Variants in GRM5 observed in about 807,000 individuals in gnomAD.
The protein encoded by GRM5 is metabotropic glutamate receptor 5.
Under a neutral mutation model 83.1 loss-of-function variants are expected in GRM5, and 19 were observed. The ratio of observed to expected loss-of-function variants is 0.23; its 90% CI spans 0.16 to 0.34. The LOEUF (loss-of-function observed/expected upper bound fraction) is 0.34, where lower values mean the gene tolerates loss of function less well. Among genes scored for constraint, GRM5 ranks in the 10% least tolerant of loss-of-function variants. The pLI, the probability that GRM5 is intolerant of heterozygous loss-of-function variation, is 1.00. For missense variants in GRM5, 1,160 were observed against 1,588.3 expected (o/e 0.73, Z 4.58); for synonymous variants, 675 against 633.6 (o/e 1.07, Z -0.98).
chr11:88,775,334 CCTTTA>C (rs1942824489), intron 3 of GRM5, among the ~76,000 whole-genome samples: 1 of 151,718 alleles, frequency 6.6e-6, no homozygotes. Context: ...TCTCTTTTCT[CCTTTA>C]CTTGTCTTCC....
chr11:88,681,670 A>G (rs1591436935), intron 3 of GRM5, among the ~76,000 whole-genome samples: 1 of 142,708 alleles, frequency 7.0e-6, no homozygotes, highest in East Asian at 2.1e-4. Flanking sequence ...TCCTGGGTTC[A>G]AACGATTCTC....
intron 2 of GRM5, among the ~76,000 whole-genome samples, chr11:88,927,410 T>A (rs974816547): frequency 5.3e-5 from 8 of 152,148 alleles, no homozygotes; most frequent in Admixed American, 3.9e-4. Flanking sequence ...ATGAAAAAGA[T>A]AAAGTAAAAG....
At chr11:88,679,169 A>T (rs1263917655) in intron 3 of GRM5, among the ~76,000 whole-genome samples, 2 of 152,192 alleles carry the variant, frequency 1.3e-5, no homozygotes, top group African/African-American at 4.8e-5. Context: ...ATTAAGTTTC[A>T]GTTGCACTGA....
intron 2 of GRM5, among the ~76,000 whole-genome samples, chr11:89,001,079 CATT>C (rs1218099190): frequency 6.6e-6 from 1 of 151,542 alleles, no homozygotes; most frequent in African/African-American, 2.4e-5. Context: ...GTCATTTATA[CATT>C]ATTCATGAAA....
intron 7 of GRM5, among the ~76,000 whole-genome samples, chr11:88,589,606 G>T (rs1309510942): frequency 6.6e-6 from 1 of 152,106 alleles, no homozygotes; most frequent in African/African-American, 2.4e-5. Flanking sequence ...TGATCTTCTA[G>T]CCTCTAGAAG....
intron 3 of GRM5, among the ~76,000 whole-genome samples, chr11:88,809,193 A>T (rs1943547751): frequency 6.6e-6 from 1 of 152,072 alleles, no homozygotes; most frequent in Non-Finnish European, 1.5e-5. Context: ...ATTGAAAAAT[A>T]ATCTCATCGT....
intron 3 of GRM5, among the ~76,000 whole-genome samples, chr11:88,761,300 C>G (rs1294456553): frequency 6.6e-6 from 1 of 152,082 alleles, no homozygotes; most frequent in East Asian, 1.9e-4. Flanking sequence ...ACCTAGAAAA[C>G]CCCATAGTCT....
chr11:88,678,911 T>TA (rs111407452), intron 3 of GRM5, among the ~76,000 whole-genome samples: 99 of 146,126 alleles, frequency 6.8e-4, no homozygotes, highest in Middle Eastern at 3.6e-3. Context: ...TTGACTCATT[T>TA]AAAAAAAAAA....
chr11:88,574,764 C>T (rs953950731), intron 7 of GRM5, among the ~76,000 whole-genome samples: 2 of 152,048 alleles, frequency 1.3e-5, no homozygotes, highest in East Asian at 3.9e-4. Flanking sequence ...GAGACTCCAT[C>T]TCAAAGAAAA....
intron 3 of GRM5, among the ~76,000 whole-genome samples, chr11:88,653,840 C>T (rs1333767593): frequency 6.6e-6 from 1 of 151,736 alleles, no homozygotes; most frequent in Non-Finnish European, 1.5e-5. Flanking sequence ...AAATATTCTC[C>T]AACATACCTA....
intron 3 of GRM5, among the ~76,000 whole-genome samples, chr11:88,799,367 T>C (rs1943345404): frequency 1.3e-5 from 2 of 152,082 alleles, no homozygotes; most frequent in Admixed American, 1.3e-4. Context: ...TAAAACAGTA[T>C]ATACAGTATT....
intron 3 of GRM5, among the ~76,000 whole-genome samples, chr11:88,838,793 CTTA>C (rs1944139695): frequency 6.6e-6 from 1 of 151,872 alleles, no homozygotes; most frequent in Non-Finnish European, 1.5e-5. Flanking sequence ...AATGAAACCA[CTTA>C]TTAACAGTAT....
chr11:88,988,655 G>T (rs59629251), intron 2 of GRM5, among the ~76,000 whole-genome samples: 1 of 151,416 alleles, frequency 6.6e-6, no homozygotes, highest in Non-Finnish European at 1.5e-5. Flanking sequence ...GACTAACAGC[G>T]GATCTCTCGG....
intron 2 of GRM5, among the ~76,000 whole-genome samples, chr11:88,959,328 GCTC>G (rs200009394): frequency 0.017 from 2,551 of 151,886 alleles, 70 homozygotes; most frequent in African/African-American, 0.059. Flanking sequence ...AATACCAGTG[GCTC>G]CATCAGAGAC....
intron 2 of GRM5, among the ~76,000 whole-genome samples, chr11:89,000,388 CA>C (rs1406598174): frequency 6.6e-6 from 1 of 151,986 alleles, no homozygotes; most frequent in African/African-American, 2.4e-5. Context: ...TGGAATGGAA[CA>C]AAAAACTCAG....
At chr11:89,009,512 T>A (rs567388139) in intron 2 of GRM5, among the ~76,000 whole-genome samples, 3 of 152,226 alleles carry the variant, frequency 2.0e-5, no homozygotes, top group African/African-American at 7.2e-5. Context: ...ATTATATTCA[T>A]TAAGTAATAT....
chr11:89,038,700 C>T (rs1941453389), intron 2 of GRM5, among the ~76,000 whole-genome samples: 1 of 152,176 alleles, frequency 6.6e-6, no homozygotes, highest in African/African-American at 2.4e-5. Context: ...TCAAAAGATA[C>T]TCTCAGTGGA....
intron 3 of GRM5, among the ~76,000 whole-genome samples, chr11:88,668,212 G>GCA (rs71046259): frequency 0.63 from 89,947 of 142,550 alleles, 30,018 homozygotes; most frequent in South Asian, 0.81. Flanking sequence ...GCAGAAACTC[G>GCA]CACACACACA....
intron 3 of GRM5, 69 bp from the exon 4 acceptor site, chr11:88,653,472 C>A: frequency 9.7e-7 from 1 of 1,027,114 alleles, no homozygotes; most frequent in South Asian, 1.4e-5. Flanking sequence ...CATTTGCTTT[C>A]CTTTTGACAA....
Sources: allele counts gnomAD v4.1 joint callset (sites outside exome capture counted in the v4.1 genomes callset), GRCh38; gene constraint gnomAD v4.1.1; transcripts MANE v1.5; gene names NCBI Gene and HGNC (gene_info 2026-07-23, HGNC 2026-07-21).